Variants in JAKMIP2 observed in about 807,000 individuals in gnomAD.
JAKMIP2 encodes the protein janus kinase and microtubule-interacting protein 2.
In JAKMIP2, 25 loss-of-function variants were observed where a neutral mutation model predicts 115.0. The ratio of observed to expected loss-of-function variants is 0.22; its 90% CI spans 0.16 to 0.30. The LOEUF (loss-of-function observed/expected upper bound fraction) is 0.30. JAKMIP2 is among the 10% of genes least tolerant of loss of function. The pLI is 1.00. For synonymous variants in JAKMIP2, 334 were observed against 343.6 expected (o/e 0.97, Z 0.31); for missense variants, 642 against 957.6 (o/e 0.67, Z 4.35).
chr5:147,721,557 C>T (rs1301880774), intron 1 of JAKMIP2, among the ~76,000 whole-genome samples: 1 of 152,086 alleles, frequency 6.6e-6, no homozygotes, highest in Non-Finnish European at 1.5e-5. Context: ...CGTGGTGCGC[C>T]GTTTTTTAAG....
intron 21 of JAKMIP2, among the ~76,000 whole-genome samples, chr5:147,599,452 AT>A (rs1561839063): frequency 6.6e-6 from 1 of 152,198 alleles, no homozygotes; most frequent in African/African-American, 2.4e-5. Flanking sequence ...CAATATATTT[AT>A]TGCCCAGATT....
At chr5:147,661,491 G>T (rs757639622) in intron 2 of JAKMIP2, 46 bp from the exon 3 acceptor site, 3 of 1,567,346 alleles carry the variant, frequency 1.9e-6, no homozygotes, top group Admixed American at 3.6e-5. Flanking sequence ...AGCCTCAAAG[G>T]ACGGGTGTGC....
intron 1 of JAKMIP2, among the ~76,000 whole-genome samples, chr5:147,740,681 G>A (rs1164903829): frequency 6.6e-6 from 1 of 152,118 alleles, no homozygotes; most frequent in Non-Finnish European, 1.5e-5. Flanking sequence ...GGAATCCCCT[G>A]GCATAATGAA....
intron 2 of JAKMIP2, among the ~76,000 whole-genome samples, chr5:147,666,789 C>T (rs1272676810): frequency 2.6e-5 from 4 of 151,984 alleles, no homozygotes; most frequent in East Asian, 1.9e-4. Context: ...CTGGGATTGT[C>T]GATATCATTC....
chr5:147,711,345 A>G (rs1348427152), intron 1 of JAKMIP2, among the ~76,000 whole-genome samples: 1 of 152,174 alleles, frequency 6.6e-6, no homozygotes, highest in Non-Finnish European at 1.5e-5. Flanking sequence ...TTCATTCAAC[A>G]AGTATTTATT....
At chr5:147,635,281 A>G (rs1361370926) in intron 12 of JAKMIP2, among the ~76,000 whole-genome samples, 1 of 152,186 alleles carries the variant, frequency 6.6e-6, no homozygotes, top group East Asian at 1.9e-4. Context: ...AATTGACTCT[A>G]TGTTCAGATA....
intron 1 of JAKMIP2, among the ~76,000 whole-genome samples, chr5:147,748,442 C>T (rs1276685627): frequency 6.6e-6 from 1 of 152,114 alleles, no homozygotes; most frequent in Non-Finnish European, 1.5e-5. Flanking sequence ...GTAAAAGAAT[C>T]CTCGGCAGAA....
At chr5:147,693,170 C>A (rs915491913) in intron 1 of JAKMIP2, among the ~76,000 whole-genome samples, 2 of 152,102 alleles carry the variant, frequency 1.3e-5, no homozygotes, top group Non-Finnish European at 2.9e-5. Context: ...TGCTTAAGGA[C>A]AAGAACTCTG....
chr5:147,640,413 C>G (rs563196697), intron 9 of JAKMIP2, among the ~76,000 whole-genome samples: 5 of 152,154 alleles, frequency 3.3e-5, no homozygotes, highest in Non-Finnish European at 7.4e-5. Context: ...GCTAAGGCCT[C>G]TTGGGTTCCT....
rs17107104 is a variant in JAKMIP2, at chr5:147,667,257, T to G, written c.129+4421A>C. Among the ~76,000 whole-genome samples, 4 of 152,012 alleles carry G rather than the reference T, an allele frequency of 2.6e-5. No homozygotes were observed. The South Asian group carries it at 8.3e-4, about 32-fold the overall frequency. ...AATCCTTTCTACCCTAGAGGTTCTA[T>G]GGGAAAAAAGATCATTAGAAAAGTT... is the stretch of plus-strand genomic sequence containing the variant. On this transcript the variant is annotated intron_variant, in intron 2 of 21. Coordinates refer to ENST00000616793, the MANE Select transcript of JAKMIP2 (RefSeq NM_001270941.2).
At chr5:147,709,399 TATA>T (rs752270159) in intron 1 of JAKMIP2, among the ~76,000 whole-genome samples, 12 of 152,196 alleles carry the variant, frequency 7.9e-5, no homozygotes, top group South Asian at 6.2e-4. Context: ...TATTTCTATA[TATA>T]ATAACAAAGA....
chr5:147,691,948 G>T (rs1439404156), intron 1 of JAKMIP2, among the ~76,000 whole-genome samples: 1 of 151,872 alleles, frequency 6.6e-6, no homozygotes, highest in Non-Finnish European at 1.5e-5. Context: ...GACTTTACCT[G>T]TCCCATTCCC....
intron 1 of JAKMIP2, among the ~76,000 whole-genome samples, chr5:147,748,750 C>T (rs748889355): frequency 3.3e-5 from 5 of 152,168 alleles, no homozygotes; most frequent in African/African-American, 9.7e-5. Flanking sequence ...AATGGCACAC[C>T]TAGCCCTAAC....
intron 1 of JAKMIP2, among the ~76,000 whole-genome samples, chr5:147,774,990 T>C (rs1274892692): frequency 6.6e-6 from 1 of 152,178 alleles, no homozygotes; most frequent in East Asian, 1.9e-4. Flanking sequence ...GATTTAGTTT[T>C]CCATGCATAT....
intron 2 of JAKMIP2, among the ~76,000 whole-genome samples, chr5:147,665,149 T>TTC (rs1759229913): frequency 6.6e-6 from 1 of 152,160 alleles, no homozygotes; most frequent in South Asian, 2.1e-4. Context: ...ATGAGCCAAA[T>TTC]CCATCCTGCT....
Position 147,590,803 on chromosome 5 carries a change from T to A in JAKMIP2, c.*904A>T, listed in dbSNP as rs1442464652. The A allele has an allele frequency of 1.3e-5, 2 of 152,224 alleles. No individual in the cohort carries two copies. Among genetic ancestry groups the A allele is most frequent in the Admixed American group, 6.5e-5 (1 of 15,280 alleles). The allele number at this position is 152,224 out of a possible 1,614,324, so 9.4% of individuals were successfully genotyped here. On this transcript the variant is annotated 3_prime_UTR_variant, in exon 22 of 22. Coordinates refer to ENST00000616793, the MANE Select transcript of JAKMIP2 (RefSeq NM_001270941.2). ...CTAAACAGAACTAAGTCAGGGAGCA[T>A]GTGATTTACAGTATCATCTTCTTAG...
At chr5:147,751,113 C>T (rs1754535439) in intron 1 of JAKMIP2, among the ~76,000 whole-genome samples, 2 of 151,810 alleles carry the variant, frequency 1.3e-5, no homozygotes, top group Non-Finnish European at 2.9e-5. Flanking sequence ...ACCCTGTCGC[C>T]CAGGCTGGAG....
intron 1 of JAKMIP2, among the ~76,000 whole-genome samples, chr5:147,725,687 T>A (rs919258935): frequency 6.6e-6 from 1 of 152,102 alleles, no homozygotes; most frequent in African/African-American, 2.4e-5. Context: ...CAAGGATGCT[T>A]GACCAAACTT....
chr5:147,591,913 A>G (rs959867335), intron 21 of JAKMIP2, among the ~76,000 whole-genome samples: 9 of 152,212 alleles, frequency 5.9e-5, no homozygotes, highest in African/African-American at 2.2e-4. Flanking sequence ...AAAACAATTA[A>G]TGGTTCTTGT....
Sources: gnomAD v4.1 joint callset for allele counts (sites outside exome capture counted in the v4.1 genomes callset) on GRCh38, gnomAD v4.1.1 for gene constraint, MANE v1.5 for transcripts, NCBI Gene and HGNC (gene_info 2026-07-23, HGNC 2026-07-21) for gene names.